Variants in CDH13 observed in about 807,000 individuals in gnomAD.
CDH13 encodes cadherin 13.
A neutral mutation model predicts 63.8 loss-of-function variants in CDH13; 24 were observed. That is an observed-to-expected ratio of 0.38 (90% CI 0.27 to 0.53). The LOEUF is 0.53. Ranked by LOEUF, CDH13 falls within the 20% of genes least tolerant of loss-of-function variation. CDH13 has a pLI of 0.85. For synonymous variants in CDH13, 503 were observed against 355.3 expected, an observed-to-expected ratio of 1.42 and a Z score of -4.67; for missense variants, 1,049 against 903.1, an observed-to-expected ratio of 1.16 and a Z score of -2.07.
chr16:82,794,758 A>C (rs1042410156), intron 1 of CDH13, among the ~76,000 whole-genome samples: 3 of 152,184 alleles, frequency 2.0e-5, no homozygotes, highest in Non-Finnish European at 2.9e-5. Flanking sequence ...TTGAGCTGTT[A>C]TAATGTTTTA....
chr16:83,447,645 G>T (rs1439200912), intron 6 of CDH13, among the ~76,000 whole-genome samples: 1 of 152,022 alleles, frequency 6.6e-6, no homozygotes, highest in Non-Finnish European at 1.5e-5. Context: ...AGAGGATCCT[G>T]AAATAAACCA....
At chr16:83,511,121 T>C (rs1024719087) in intron 7 of CDH13, among the ~76,000 whole-genome samples, 1 of 118,136 alleles carries the variant, frequency 8.5e-6, no homozygotes, top group East Asian at 2.8e-4. Context: ...TGCACACACA[T>C]GCACATGTGC....
At chr16:83,455,990 A>G (rs1322142749) in intron 6 of CDH13, among the ~76,000 whole-genome samples, 2 of 152,192 alleles carry the variant, frequency 1.3e-5, no homozygotes, top group Admixed American at 6.5e-5. Flanking sequence ...TGAGGGGAGG[A>G]GGCTCCCACT....
At chr16:83,390,222 C>A (rs17285278) in intron 6 of CDH13, among the ~76,000 whole-genome samples, 2 of 152,106 alleles carry the variant, frequency 1.3e-5, no homozygotes, top group African/African-American at 4.8e-5. Context: ...GCTTTGAATG[C>A]ATACATTATG....
At chr16:83,249,988 C>G (rs987112557) in intron 5 of CDH13, among the ~76,000 whole-genome samples, 3 of 152,112 alleles carry the variant, frequency 2.0e-5, no homozygotes, top group Non-Finnish European at 4.4e-5. Context: ...GGTAACCAAC[C>G]AAGTAGTTGT....
At chr16:82,806,680 C>A (rs2151171117) in intron 1 of CDH13, among the ~76,000 whole-genome samples, 1 of 152,092 alleles carries the variant, frequency 6.6e-6, no homozygotes, top group East Asian at 1.9e-4. Context: ...TGTTGTTAAG[C>A]AAAGATGATT....
chr16:82,742,851 A>G (rs1031945832), intron 1 of CDH13, among the ~76,000 whole-genome samples: 41 of 152,364 alleles, frequency 2.7e-4, no homozygotes, highest in African/African-American at 9.6e-4. Flanking sequence ...TCTCAAAAAT[A>G]TACTGAAAAT....
chr16:83,661,365 C>A (rs79147160), intron 8 of CDH13, among the ~76,000 whole-genome samples: 1 of 152,038 alleles, frequency 6.6e-6, no homozygotes, highest in Admixed American at 6.5e-5. Context: ...CACATACACA[C>A]CCAGCTACTA....
chr16:82,866,323 A>G (rs956520300), intron 2 of CDH13, among the ~76,000 whole-genome samples: 5 of 119,202 alleles, frequency 4.2e-5, no homozygotes, highest in Non-Finnish European at 8.8e-5. Flanking sequence ...GCAGCACCCC[A>G]CTCTACTGGT....
chr16:83,562,665 G>A (rs2075729632), intron 7 of CDH13, among the ~76,000 whole-genome samples: 1 of 152,186 alleles, frequency 6.6e-6, no homozygotes, highest in South Asian at 2.1e-4. Context: ...CATAGGTTTG[G>A]TGAAGAACGT....
chr16:83,288,636 G>C (rs2089387428), intron 5 of CDH13, among the ~76,000 whole-genome samples: 1 of 152,188 alleles, frequency 6.6e-6, no homozygotes, highest in Non-Finnish European at 1.5e-5. Context: ...AAGAAAGCTT[G>C]TGTCCCCAAG....
chr16:82,805,622 A>G (rs1416129378), intron 1 of CDH13, among the ~76,000 whole-genome samples: 2 of 152,172 alleles, frequency 1.3e-5, no homozygotes, highest in Non-Finnish European at 2.9e-5. Flanking sequence ...TCTGTGAGTC[A>G]GAGTCAAAGT....
rs796379206 is a variant in CDH13, at chr16:83,795,916, C to A, written c.*886C>A. The A allele has an allele frequency of 1.3e-5, 2 of 152,630 alleles. No homozygotes were observed. Among genetic ancestry groups the A allele is most frequent in the South Asian group, 2.1e-4 (1 of 4,824 alleles). 9.5% of individuals were successfully genotyped at this position (152,630 alleles called of 1,614,324 possible). A position where few individuals can be genotyped will look rare whatever the true frequency, so the allele number is the denominator to read the frequency against. ...CCTCCTCAGTAAATGTACAACTGCA[C>A]CTGTCATCATGGAGGTCATACATGC... On this transcript the variant is annotated 3_prime_UTR_variant, in exon 14 of 14. Coordinates refer to ENST00000567109, the MANE Select transcript of CDH13 (RefSeq NM_001257.5).
chr16:83,156,886 C>T (rs927548702), intron 4 of CDH13, among the ~76,000 whole-genome samples: 1 of 152,210 alleles, frequency 6.6e-6, no homozygotes, highest in Non-Finnish European at 1.5e-5. Flanking sequence ...GGCAGAGGCA[C>T]TCCTTCTGAC....
chr16:82,942,372 T>C (rs1259628845), intron 2 of CDH13, among the ~76,000 whole-genome samples: 1 of 152,232 alleles, frequency 6.6e-6, no homozygotes, highest in Non-Finnish European at 1.5e-5. Flanking sequence ...TATTTAACCT[T>C]GTGCCAATAT....
At chr16:83,545,499 G>A (rs2075370825) in intron 7 of CDH13, among the ~76,000 whole-genome samples, 1 of 152,190 alleles carries the variant, frequency 6.6e-6, no homozygotes, top group Non-Finnish European at 1.5e-5. Flanking sequence ...TGTCCAGAGA[G>A]GGGAAAGTCC....
At position 83,323,174 on chromosome 16, in the gene CDH13, T is replaced by TC. The variant is rs1555530162; in HGVS notation, c.637-21688_637-21687insC. Among the ~76,000 whole-genome samples, 391 of 82,294 alleles carry TC rather than the reference T, an allele frequency of 4.8e-3. 5 individuals are homozygous for TC. The highest frequency in any genetic ancestry group is 0.018 in the African/African-American group (369 of 21,062). The allele number at this position is 82,294 out of a possible 152,430, so 54.0% of individuals were successfully genotyped here. On this transcript the variant is annotated intron_variant, in intron 5 of 13. Coordinates refer to ENST00000567109, the MANE Select transcript of CDH13 (RefSeq NM_001257.5). ...ACTTCTTTCTTTCTTTCTCTTTCTT[T>TC]TTTCTTTCTTTCTTTCTTTCTTTCT...
intron 1 of CDH13, among the ~76,000 whole-genome samples, chr16:82,685,526 A>T (rs1041153425): frequency 6.6e-6 from 1 of 152,228 alleles, no homozygotes; most frequent in Non-Finnish European, 1.5e-5. Flanking sequence ...TAATGAGATC[A>T]GGTGTAGGTG....
chr16:82,632,244 G>T (rs1312336575), intron 1 of CDH13, among the ~76,000 whole-genome samples: 3 of 152,152 alleles, frequency 2.0e-5, no homozygotes, highest in Admixed American at 6.5e-5. Context: ...GGCTTTTTGA[G>T]TTTGGGACCT....
Sources: allele counts gnomAD v4.1 joint callset (sites outside exome capture counted in the v4.1 genomes callset), GRCh38; gene constraint gnomAD v4.1.1; transcripts MANE v1.5; gene names NCBI Gene and HGNC (gene_info 2026-07-23, HGNC 2026-07-21).